The following UTRN variants were observed in gnomAD, a reference collection of about 807,000 sequenced individuals.
UTRN encodes utrophin.
Under a neutral mutation model 463.9 loss-of-function variants are expected in UTRN, and 283 were observed. The observed-to-expected ratio is 0.61, with a 90% confidence interval of 0.55 to 0.67. The LOEUF (loss-of-function observed/expected upper bound fraction) is 0.67, where lower values mean the gene tolerates loss of function less well. Ranked by LOEUF, UTRN falls within the 30% of genes least tolerant of loss-of-function variation. UTRN has a pLI of 0.00. For missense variants in UTRN, 3,922 were observed against 4,084.3 expected (o/e 0.96, Z 1.08); for synonymous variants, 1,442 against 1,431.5 (o/e 1.01, Z -0.17).
At chr6:144,324,038 C>T (rs1167019757) in intron 2 of UTRN, among the ~76,000 whole-genome samples, 3 of 152,208 alleles carry the variant, frequency 2.0e-5, no homozygotes, top group African/African-American at 7.2e-5. Flanking sequence ...GAATTGCTAT[C>T]TGTTTTCAGA....
chr6:144,660,336 A>G, intron 51 of UTRN: 1 of 469,452 alleles, frequency 2.1e-6, no homozygotes, highest in South Asian at 1.6e-5. Context: ...CTTTTTTTTC[A>G]CTATACATTT....
rs191585110 is a variant in UTRN, at chr6:144,527,555, G to A, written c.5907-3497G>A. On this transcript the variant is annotated intron_variant, in intron 41 of 74. Transcript: ENST00000367545. ...GGATATCTAGATCTCTAGCAAAGCC[G>A]GGAGGTTTTCCTCAATTATTCCTGC... Among the ~76,000 whole-genome samples the A allele has an allele frequency of 1.5e-3, 227 of 152,276 alleles. 1 individual carries two copies. Among genetic ancestry groups the A allele is most frequent in the South Asian group, 6.0e-3 (29 of 4,824 alleles).
chr6:144,818,641 G>T (rs1181028270), intron 65 of UTRN, among the ~76,000 whole-genome samples: 1 of 152,264 alleles, frequency 6.6e-6, no homozygotes, highest in African/African-American at 2.4e-5. Context: ...GAAATAAATT[G>T]GGTCATAAAT....
chr6:144,706,917 T>C (rs1262393803), intron 53 of UTRN: 1 of 152,176 alleles, frequency 6.6e-6, no homozygotes, highest in Admixed American at 6.5e-5. Context: ...AATTACAGCA[T>C]AAAGAGTAGC....
chr6:144,653,876 A>G (rs941879325), intron 51 of UTRN, among the ~76,000 whole-genome samples: 6 of 152,236 alleles, frequency 3.9e-5, no homozygotes, highest in Admixed American at 1.3e-4. Flanking sequence ...AATAATCTCT[A>G]GGAAATGTAA....
intron 51 of UTRN, among the ~76,000 whole-genome samples, chr6:144,613,797 A>G (rs2128643972): frequency 6.6e-6 from 1 of 152,170 alleles, no homozygotes; most frequent in East Asian, 1.9e-4. Flanking sequence ...CCCCTCCCCA[A>G]AGAAAACTGA....
At chr6:144,423,851 T>C in intron 5 of UTRN, 135 bp from the exon 6 acceptor site, 1 of 990,104 alleles carries the variant, frequency 1.0e-6, no homozygotes, top group Non-Finnish European at 1.5e-6. Flanking sequence ...TAAGCTTACC[T>C]GATTCTCTAA....
intron 2 of UTRN, among the ~76,000 whole-genome samples, chr6:144,305,253 C>T (rs150588027): frequency 4.3e-4 from 65 of 152,254 alleles, no homozygotes; most frequent in African/African-American, 1.5e-3. Flanking sequence ...AATCAGGTTG[C>T]ACAATGTATT....
chr6:144,306,925 C>G (rs996602052), intron 2 of UTRN, among the ~76,000 whole-genome samples: 2 of 151,186 alleles, frequency 1.3e-5, no homozygotes, highest in African/African-American at 4.9e-5. Context: ...ATTACCTGGG[C>G]ATGGGGTCGC....
chr6:144,465,941 T>C (rs965278165), intron 23 of UTRN, among the ~76,000 whole-genome samples: 6 of 152,204 alleles, frequency 3.9e-5, no homozygotes, highest in African/African-American at 1.4e-4. Flanking sequence ...GAGTAGTACT[T>C]GAAGCCTACA....
In UTRN at chr6:144,840,762, A is replaced by G. The variant is rs1562972461; in HGVS notation, c.10200A>G (p.Pro3400=). Residue 3400 remains proline (P), a synonymous_variant, in exon 73 of 75, where the codon CCA becomes CCG. Coordinates refer to ENST00000367545, the MANE Select transcript of UTRN (RefSeq NM_007124.3). The stretch of plus-strand genomic sequence containing the variant: ...CAGCGGGAGAGGACCTGCTGGCCCC[A>G]CCGCACGACACCAGCACGGATCTCA... ...HQAAGEDLLA[P]PHDTSTDLTE... 6.2e-7 allele frequency: 1 copy of G among 1,613,992 alleles called. No homozygotes were observed. Among genetic ancestry groups the G allele is most frequent in the South Asian group, 1.1e-5 (1 of 91,074 alleles).
intron 23 of UTRN, among the ~76,000 whole-genome samples, chr6:144,466,528 C>T (rs79552974): frequency 2.0e-5 from 3 of 152,160 alleles, no homozygotes; most frequent in East Asian, 1.9e-4. Context: ...CCTGTACTTA[C>T]GAGGTAAAAT....
intron 51 of UTRN, among the ~76,000 whole-genome samples, chr6:144,622,022 CTT>C (rs1775434264): frequency 6.6e-6 from 1 of 151,642 alleles, no homozygotes; most frequent in Non-Finnish European, 1.5e-5. Flanking sequence ...ATAAATAGAT[CTT>C]CATTGTATTC....
Position 144,771,841 on chromosome 6 carries a change from G to A in UTRN, c.8496-66G>A, listed in dbSNP as rs1010884444. On this transcript the variant is annotated intron_variant, in intron 58 of 74. Transcript: ENST00000367545. Reference sequence around the variant, plus strand: ...AAAATCATTTCTACTTGGGTATTTCGTTTTTGGCCTATATGAAGTTTTTTG... The same window carrying A: ...AAAATCATTTCTACTTGGGTATTTCATTTTTGGCCTATATGAAGTTTTTTG... 10 of 1,324,998 alleles carry A rather than the reference G, an allele frequency of 7.5e-6. No individual in the cohort carries two copies. The African/African-American group carries it at 1.0e-4, about 14-fold the overall frequency. 82.1% of individuals were successfully genotyped at this position (1,324,998 alleles called of 1,614,324 possible).
chr6:144,558,343 A>T (rs895035748), intron 50 of UTRN, among the ~76,000 whole-genome samples: 1 of 152,210 alleles, frequency 6.6e-6, no homozygotes. Flanking sequence ...TAGCAAAGAC[A>T]AAACTTCACA....
At chr6:144,800,634 A>C (rs74881936) in intron 64 of UTRN, among the ~76,000 whole-genome samples, 1,859 of 152,330 alleles carry the variant, frequency 0.012, 26 homozygotes, top group Middle Eastern at 0.051. Context: ...TCAACTTCAA[A>C]TTCTATGAGT....
At chr6:144,589,345 A>G (rs932712815) in intron 51 of UTRN, among the ~76,000 whole-genome samples, 3 of 152,202 alleles carry the variant, frequency 2.0e-5, no homozygotes, top group African/African-American at 7.2e-5. Flanking sequence ...CATATATTAC[A>G]TCATTAATAA....
chr6:144,642,240 A>G (rs1372504175), intron 51 of UTRN, among the ~76,000 whole-genome samples: 1 of 152,204 alleles, frequency 6.6e-6, no homozygotes, highest in Admixed American at 6.5e-5. Flanking sequence ...TGGATTTAAT[A>G]TGTAGTGTGG....
At chr6:144,725,249 C>T (rs763405260) in intron 53 of UTRN, among the ~76,000 whole-genome samples, 1 of 152,160 alleles carries the variant, frequency 6.6e-6, no homozygotes, top group Non-Finnish European at 1.5e-5. Context: ...GTAAGACGTC[C>T]CTTTGCTCTT....
Sources: allele counts gnomAD v4.1 joint callset (sites outside exome capture counted in the v4.1 genomes callset), GRCh38; gene constraint gnomAD v4.1.1; transcripts MANE v1.5; gene names NCBI Gene and HGNC (gene_info 2026-07-23, HGNC 2026-07-21).